PTPRG: variants seen among roughly 807,000 people sequenced by gnomAD.
PTPRG encodes receptor-type tyrosine-protein phosphatase gamma.
Under a neutral mutation model 165.3 loss-of-function variants are expected in PTPRG, and 102 were observed. The ratio of observed to expected loss-of-function variants is 0.62; its 90% CI spans 0.53 to 0.73. The LOEUF is 0.73. Among genes scored for constraint, PTPRG ranks in the 30% least tolerant of loss-of-function variants. PTPRG has a pLI of 0.00. For synonymous variants in PTPRG, 675 were observed against 669.5 expected (o/e 1.01, Z -0.13); for missense variants, 1,866 against 1,861.4 (o/e 1.00, Z -0.05).
chr3:61,876,726 T>A (rs547864503), intron 2 of PTPRG, among the ~76,000 whole-genome samples: 2 of 152,248 alleles, frequency 1.3e-5, no homozygotes, highest in Admixed American at 6.5e-5. Flanking sequence ...CTGGCCAACA[T>A]GGTGAAACCC....
At chr3:62,070,899 A>G (rs1259372394) in intron 4 of PTPRG, among the ~76,000 whole-genome samples, 1 of 152,062 alleles carries the variant, frequency 6.6e-6, no homozygotes, top group Non-Finnish European at 1.5e-5. Flanking sequence ...AGTAACCTGC[A>G]CAATGTGCAC....
intron 5 of PTPRG, among the ~76,000 whole-genome samples, chr3:62,101,188 T>G (rs1702278924): frequency 6.6e-6 from 1 of 152,228 alleles, no homozygotes; most frequent in Admixed American, 6.5e-5. Flanking sequence ...CTTTCTACTT[T>G]TGTTTATGTT....
intron 8 of PTPRG, among the ~76,000 whole-genome samples, chr3:62,180,624 C>T (rs1322237966): frequency 6.6e-6 from 1 of 152,162 alleles, no homozygotes; most frequent in African/African-American, 2.4e-5. Context: ...ACATGGAATC[C>T]AGCCTTCCAC....
intron 2 of PTPRG, chr3:61,770,435 A>G (rs909701138): frequency 7.2e-5 from 11 of 152,310 alleles, no homozygotes; most frequent in African/African-American, 2.4e-4. Context: ...AATTATTTGA[A>G]TATGTTAAAC....
chr3:62,160,193 A>G (rs895055280), intron 7 of PTPRG, among the ~76,000 whole-genome samples: 1 of 152,228 alleles, frequency 6.6e-6, no homozygotes, highest in Non-Finnish European at 1.5e-5. Flanking sequence ...ACCATGAAAT[A>G]TAACGGTTAG....
chr3:61,621,033 G>GTATATATATATATA (rs368012442), intron 1 of PTPRG, among the ~76,000 whole-genome samples: 150 of 129,860 alleles, frequency 1.2e-3, no homozygotes, highest in East Asian at 2.2e-3. Flanking sequence ...GTGTGTGTGT[G>GTATATATATATATA]TATATATATA....
intron 8 of PTPRG, among the ~76,000 whole-genome samples, chr3:62,187,338 T>C (rs1438191254): frequency 6.6e-6 from 1 of 152,244 alleles, no homozygotes; most frequent in Non-Finnish European, 1.5e-5. Context: ...TGGCCTCTCC[T>C]TACTGTCGCA....
At chr3:61,580,582 G>A (rs866408266) in intron 1 of PTPRG, among the ~76,000 whole-genome samples, 10 of 151,970 alleles carry the variant, frequency 6.6e-5, no homozygotes, top group Non-Finnish European at 2.9e-5. Flanking sequence ...TGATGTGCCC[G>A]CCTCAGCCTC....
At chr3:61,837,248 A>G (rs538674248) in intron 2 of PTPRG, among the ~76,000 whole-genome samples, 183 of 152,276 alleles carry the variant, frequency 1.2e-3, no homozygotes, top group Non-Finnish European at 2.3e-3. Flanking sequence ...GTGTTTTGCC[A>G]TGTTGGCCAG....
chr3:62,067,629 G>T (rs1205908708), intron 4 of PTPRG, among the ~76,000 whole-genome samples: 3 of 152,206 alleles, frequency 2.0e-5, no homozygotes, highest in Admixed American at 6.5e-5. Context: ...ATCTAGGGAT[G>T]ATGGGAGACA....
rs1702501000 is a variant in PTPRG, at chr3:62,282,744, A to G, written c.3930A>G (p.Glu1310=). 3 of 1,611,764 alleles carry G rather than the reference A, an allele frequency of 1.9e-6. No individual in the cohort carries two copies. Among genetic ancestry groups the G allele is most frequent in the Non-Finnish European group, 2.5e-6 (3 of 1,178,970 alleles). The change falls in exon 28 of 30, where the codon GAA becomes GAG. Residue 1310 remains glutamate (E), a synonymous_variant. Coordinates refer to ENST00000474889, the MANE Select transcript of PTPRG (RefSeq NM_002841.4). ...LEATQDDYVL[E]VRHFQCPKWP... ...GGTTACAGGATGACTATGTCTTAGA[A>G]GTTCGGCACTTTCAGTGTCCCAAAT... is the stretch of plus-strand genomic sequence containing the variant.
chr3:62,174,844 G>A lies in PTPRG; in HGVS notation c.1033+6681G>A, dbSNP rs556477669. On this transcript the variant is annotated intron_variant, in intron 8 of 29. Transcript: ENST00000474889. ...GCCCTCCTAGAAACTCTTGCAGAAA[G>A]TTACCTTGTTACTGCCAGAAACTTT... Among the ~76,000 whole-genome samples, 6 of 152,272 alleles carry A rather than the reference G, an allele frequency of 3.9e-5. No individual in the cohort carries two copies. In the East Asian group the frequency reaches 7.7e-4, roughly 20 times the overall value.
intron 4 of PTPRG, among the ~76,000 whole-genome samples, chr3:62,004,369 C>A (rs545099846): frequency 1.1e-3 from 165 of 152,326 alleles, no homozygotes; most frequent in Admixed American, 1.6e-3. Context: ...ATTGACCCTT[C>A]TGCTCTTAAA....
chr3:62,227,486 A>G (rs187955173), intron 13 of PTPRG, among the ~76,000 whole-genome samples: 115 of 152,364 alleles, frequency 7.5e-4, no homozygotes, highest in African/African-American at 2.7e-3. Flanking sequence ...CATGTGTGGT[A>G]GGCAAGGAAT....
intron 2 of PTPRG, among the ~76,000 whole-genome samples, chr3:61,965,924 T>G (rs9832322): frequency 0.23 from 34,913 of 152,156 alleles, 4,474 homozygotes; most frequent in African/African-American, 0.33. Context: ...CTTTCTTTAT[T>G]GAACTTGTCA....
rs372798823 is a variant in PTPRG at position 62,201,568 on chromosome 3, G to A, written c.1377+14G>A. 6.2e-7 allele frequency: 1 copy of A among 1,608,148 alleles called. No homozygotes were observed. Among genetic ancestry groups the A allele is most frequent in the Admixed American group, 1.7e-5 (1 of 59,518 alleles). ...AAAACAGGAGTGGTAAGTAGAGAAT[G>A]GGAAATTGCTTTGTCGTGGCTGGTT... On this transcript the variant is annotated intron_variant, in intron 11 of 29. Coordinates refer to ENST00000474889, the MANE Select transcript of PTPRG (RefSeq NM_002841.4).
At position 62,161,340 on chromosome 3, in the gene PTPRG, A is replaced by T. The variant is rs184885528; in HGVS notation, c.840+4116A>T. On this transcript the variant is annotated intron_variant, in intron 7 of 29. Transcript: ENST00000474889. The stretch of plus-strand genomic sequence containing the variant: ...TTAAAATGTTGTAGTAATCATGTTA[A>T]AAAATGTAAAGAGAAACAAGTGAGA... 1.7e-3 allele frequency among the ~76,000 whole-genome samples: 263 copies of T among 152,308 alleles called. 3 individuals are homozygous for T. The highest frequency in any genetic ancestry group is 8.8e-4 in the Non-Finnish European group (60 of 68,024).
chr3:61,568,980 A>G (rs942946542), intron 1 of PTPRG, among the ~76,000 whole-genome samples: 2 of 151,748 alleles, frequency 1.3e-5, no homozygotes, highest in African/African-American at 4.8e-5. Flanking sequence ...TGAGGTTTCT[A>G]TATGTGCCTG....
At chr3:62,114,799 G>A (rs1576019426) in intron 5 of PTPRG, among the ~76,000 whole-genome samples, 1 of 152,110 alleles carries the variant, frequency 6.6e-6, no homozygotes, top group Admixed American at 6.5e-5. Flanking sequence ...ATGCCACCTT[G>A]CCCTACTAAT....
Sources: gnomAD v4.1 joint callset for allele counts (sites outside exome capture counted in the v4.1 genomes callset) on GRCh38, gnomAD v4.1.1 for gene constraint, MANE v1.5 for transcripts, NCBI Gene and HGNC (gene_info 2026-07-23, HGNC 2026-07-21) for gene names.